The following YKT6 variants were observed in gnomAD, a reference collection of about 807,000 sequenced individuals.
YKT6 encodes the protein synaptobrevin homolog YKT6.
A neutral mutation model predicts 29.3 loss-of-function variants in YKT6; 12 were observed. The observed-to-expected ratio is 0.41, with a 90% CI of 0.26 to 0.66. The LOEUF (loss-of-function observed/expected upper bound fraction) is 0.66. Ranked by LOEUF, YKT6 falls within the 30% of genes least tolerant of loss-of-function variation. YKT6 has a pLI of 0.32. For missense variants in YKT6, 188 were observed against 243.8 expected (o/e 0.77, Z 1.52); for synonymous variants, 86 against 94.3 (o/e 0.91, Z 0.51).
At chr7:44,204,486 G>T in intron 1 of YKT6, 82 bp from the exon 2 acceptor site, 1 of 1,364,292 alleles carries the variant, frequency 7.3e-7, no homozygotes, top group Non-Finnish European at 1.0e-6. Flanking sequence ...TCTACTTAAT[G>T]TATAAGCCCA....
rs1355708096 is a variant in YKT6 at position 44,213,244 on chromosome 7, C to T, written c.*962C>T. On this transcript the variant is annotated 3_prime_UTR_variant, in exon 7 of 7. Transcript: ENST00000223369. ...TTTATTTGACTCTGTGGCTCTAAGACTGCCTTGAACCGCCTGAGGCCTATG... is the reference window on the plus strand; with the variant it reads ...TTTATTTGACTCTGTGGCTCTAAGATTGCCTTGAACCGCCTGAGGCCTATG... The T allele has an allele frequency of 6.6e-6, 1 of 152,264 alleles. No individual in the cohort carries two copies. Among genetic ancestry groups the T allele is most frequent in the Admixed American group, 6.5e-5 (1 of 15,284 alleles). The allele number at this position is 152,264 out of a possible 1,614,324, so 9.4% of individuals were successfully genotyped here.
chr7:44,202,215 A>G (rs961174636), intron 1 of YKT6, among the ~76,000 whole-genome samples: 4 of 128,792 alleles, frequency 3.1e-5, no homozygotes, highest in African/African-American at 1.1e-4. Context: ...GCTGGATGTA[A>G]AAAAAAAAAA....
chr7:44,210,770 G>C, intron 5 of YKT6: 1 of 563,870 alleles, frequency 1.8e-6, no homozygotes, highest in Non-Finnish European at 3.4e-6. Context: ...CTAAGCCTGT[G>C]CTGGGGACAG....
Position 44,207,473 on chromosome 7 carries a change from G to A in YKT6, c.374G>A (p.Gly125Asp). The A allele has an allele frequency of 6.2e-7, 1 of 1,614,080 alleles. No individual in the cohort carries two copies. The highest frequency in any genetic ancestry group is 8.5e-7 in the Non-Finnish European group (1 of 1,179,972). Reference sequence around the variant, plus strand: ...ACAATCCATTACCCAGCCCTGGATGGTCACCTCAGTAGATACCAGGTAGGG... The same window carrying A: ...ACAATCCATTACCCAGCCCTGGATGATCACCTCAGTAGATACCAGGTAGGG... ...PATIHYPALD[G>D]HLSRYQNPRE... The change falls in exon 4 of 7, where the codon GGT becomes GAT. Residue 125 changes from glycine (G) to aspartate (D), a missense_variant. This residue lies in a region of YKT6 where 100 missense variants were observed against 136.3 expected (regional missense o/e 0.73). Coordinates refer to ENST00000223369, the MANE Select transcript of YKT6 (RefSeq NM_006555.4).
chr7:44,210,854 C>G, intron 5 of YKT6, 169 bp from the exon 6 acceptor site: 1 of 686,082 alleles, frequency 1.5e-6, no homozygotes, highest in East Asian at 2.9e-5. Context: ...TCTGTTCCAT[C>G]CACTTGGACA....
intron 2 of YKT6, 138 bp from the exon 3 acceptor site, chr7:44,206,247 C>A: frequency 1.2e-6 from 1 of 805,156 alleles, no homozygotes; most frequent in Non-Finnish European, 2.0e-6. Context: ...CTAAGCCTCT[C>A]CACAAGACTT....
rs1363641420 is a variant in YKT6 at position 44,211,107 on chromosome 7, A to T, written c.544A>T (p.Lys182Ter). The T allele has an allele frequency of 6.2e-7, 1 of 1,613,914 alleles. No individual in the cohort carries two copies. The stretch of plus-strand genomic sequence containing the variant: ...ATCCGAGGTGCTGGGAACACAGTCT[A>T]AAGCCTTCTATAAAACTGTGAGTAC... Reference protein sequence around the residue: ...SKSEVLGTQSKAFYKTARKQN... With the variant: ...SKSEVLGTQS Residue 182 changes from lysine to a stop codon, truncating the protein, a stop_gained, in exon 6 of 7, where the codon AAA becomes TAA. Transcript: ENST00000223369. LOFTEE classifies it high-confidence loss of function.
Position 44,212,594 on chromosome 7 carries a change from T to C in YKT6, c.*312T>C, listed in dbSNP as rs79911862. ...TTCAGCTAACCCTGGGAAGGCTCTGTGGGAGGGAGGTCGGAGCCAGCTGTT... is the reference window on the plus strand; with the variant it reads ...TTCAGCTAACCCTGGGAAGGCTCTGCGGGAGGGAGGTCGGAGCCAGCTGTT... On this transcript the variant is annotated 3_prime_UTR_variant, in exon 7 of 7. Coordinates refer to ENST00000223369, the MANE Select transcript of YKT6 (RefSeq NM_006555.4). 5 of 294,956 alleles carry C rather than the reference T, an allele frequency of 1.7e-5. No individual in the cohort carries two copies. The highest frequency in any genetic ancestry group is 1.6e-4 in the African/African-American group (5 of 31,512). 18.3% of individuals were successfully genotyped at this position (294,956 alleles called of 1,614,324 possible).
rs1177401656 is a variant in YKT6 at position 44,201,037 on chromosome 7, G to A, written c.-99G>A. ...CCCCGTCAGCAGCCGGCTGCTGAGA[G>A]GCCGGTAGGCGGCGGCGGTCCCGAG... On this transcript the variant is annotated 5_prime_UTR_variant, in exon 1 of 7. Transcript: ENST00000223369. 9.8e-7 allele frequency: 1 copy of A among 1,018,846 alleles called. No individual in the cohort carries two copies. Among genetic ancestry groups the A allele is most frequent in the Non-Finnish European group, 1.4e-6 (1 of 726,042 alleles). 63.1% of individuals were successfully genotyped at this position (1,018,846 alleles called of 1,614,324 possible). A position where few individuals can be genotyped will look rare whatever the true frequency, so the allele number is the denominator to read the frequency against.
intron 3 of YKT6, among the ~76,000 whole-genome samples, chr7:44,206,782 C>T (rs190276127): frequency 3.9e-5 from 6 of 152,304 alleles, no homozygotes; most frequent in Admixed American, 3.3e-4. Context: ...CCCTGTGCTT[C>T]TGCTCAAGGA....
intron 5 of YKT6, 136 bp downstream of exon 5, chr7:44,208,334 C>A: frequency 1.2e-6 from 1 of 864,408 alleles, no homozygotes; most frequent in Non-Finnish European, 1.8e-6. Flanking sequence ...ATTGCCCACC[C>A]CTTCCCCCAC....
intron 5 of YKT6, chr7:44,208,452 A>T (rs570482462): frequency 9.0e-6 from 4 of 442,358 alleles, no homozygotes; most frequent in African/African-American, 6.0e-5. Context: ...TCCCTTCCTC[A>T]TGGCTACTGC....
Position 44,211,205 on chromosome 7 carries a change from A to G in YKT6, c.561+81A>G, listed in dbSNP as rs41279624. On this transcript the variant is annotated intron_variant, in intron 6 of 6. Transcript: ENST00000223369. ...CTTGCTGCTTCTGGCACTCTCCACT[A>G]TGAACGGGTCTTTCTTAGACTGTTG... The G allele has an allele frequency of 2.2e-4, 271 of 1,220,728 alleles. 1 individual carries two copies. The African/African-American group carries it at 3.5e-3, about 16-fold the overall frequency. 75.6% of individuals were successfully genotyped at this position (1,220,728 alleles called of 1,614,324 possible). A position where few individuals can be genotyped will look rare whatever the true frequency, so the allele number is the denominator to read the frequency against.
intron 5 of YKT6, among the ~76,000 whole-genome samples, chr7:44,210,119 G>A (rs933608103): frequency 2.0e-5 from 3 of 152,152 alleles, no homozygotes; most frequent in South Asian, 2.1e-4. Context: ...GCATGTGTGA[G>A]TTTGCATCTG....
In YKT6 at chr7:44,212,530, A is replaced by G. The variant is rs2096347968; in HGVS notation, c.*248A>G. Reference sequence around the variant, plus strand: ...TGTATTTTTGGGCAAATGAAACCATAAACTCCGACTGGCTTCTGTAGATGC... The same window carrying G: ...TGTATTTTTGGGCAAATGAAACCATGAACTCCGACTGGCTTCTGTAGATGC... On this transcript the variant is annotated 3_prime_UTR_variant, in exon 7 of 7. Transcript: ENST00000223369. The G allele has an allele frequency of 2.0e-6, 1 of 493,358 alleles. No individual in the cohort carries two copies. The highest frequency in any genetic ancestry group is 1.9e-5 in the African/African-American group (1 of 51,566). The allele number at this position is 493,358 out of a possible 1,614,324, so 30.6% of individuals were successfully genotyped here.
chr7:44,210,851 C>A lies in YKT6; in HGVS notation c.460-172C>A, dbSNP rs2096345987. On this transcript the variant is annotated intron_variant, in intron 5 of 6. Coordinates refer to ENST00000223369, the MANE Select transcript of YKT6 (RefSeq NM_006555.4). Reference sequence around the variant, plus strand: ...ACGGGAATGTCACCAGGTTCTGTTCCATCCACTTGGACAGTAACTATTCTT... The same window carrying A: ...ACGGGAATGTCACCAGGTTCTGTTCAATCCACTTGGACAGTAACTATTCTT... 9 of 681,972 alleles carry A rather than the reference C, an allele frequency of 1.3e-5. No homozygotes were observed. In the East Asian group the frequency reaches 2.7e-4, roughly 20 times the overall value. The allele number at this position is 681,972 out of a possible 1,614,324, so 42.2% of individuals were successfully genotyped here.
At chr7:44,201,331 A>G (rs559354465) in intron 1 of YKT6, 92 bp downstream of exon 1, 51 of 393,884 alleles carry the variant, frequency 1.3e-4, no homozygotes, top group Admixed American at 3.6e-4. Flanking sequence ...CGGCGGAGGG[A>G]TGAGGGGAGG....
Position 44,212,345 on chromosome 7 carries a change from T to C in YKT6, c.*63T>C. On this transcript the variant is annotated 3_prime_UTR_variant, in exon 7 of 7. Transcript: ENST00000223369. Reference sequence around the variant, plus strand: ...TCATTCACATCAGAACTGCAGCCCCTGGAAAAGAAGAGACAGCCATAGACG... The same window carrying C: ...TCATTCACATCAGAACTGCAGCCCCCGGAAAAGAAGAGACAGCCATAGACG... 2 of 1,591,250 alleles carry C rather than the reference T, an allele frequency of 1.3e-6. No individual in the cohort carries two copies. Among genetic ancestry groups the C allele is most frequent in the Non-Finnish European group, 1.7e-6 (2 of 1,163,140 alleles).
chr7:44,201,315 TG>T, intron 1 of YKT6, 76 bp downstream of exon 1: 1 of 673,846 alleles, frequency 1.5e-6, no homozygotes. Context: ...GGAGTGGGCC[TG>T]GGGTCGGCGG....
Sources: gnomAD v4.1 joint callset for allele counts (sites outside exome capture counted in the v4.1 genomes callset) on GRCh38, gnomAD v4.1.1 for gene constraint, gnomAD v4.1.1 regional missense constraint, MANE v1.5 for transcripts, NCBI Gene and HGNC (gene_info 2026-07-23, HGNC 2026-07-21) for gene names.